MIA2: variants seen among roughly 807,000 people sequenced by gnomAD.
MIA2 encodes MIA SH3 domain ER export factor 2.
MIA2 carries 127 observed loss-of-function variants against 167.8 expected under a neutral mutation model. The ratio of observed to expected loss-of-function variants is 0.76; its 90% CI spans 0.66 to 0.88. MIA2 has a LOEUF of 0.88. Ranked by LOEUF, MIA2 falls within the 40% of genes least tolerant of loss-of-function variation. The pLI is 0.00. For synonymous variants in MIA2, 552 were observed against 541.9 expected, an observed-to-expected ratio of 1.02 and a Z score of -0.26; for missense variants, 1,690 against 1,624.7, an observed-to-expected ratio of 1.04 and a Z score of -0.69.
At chr14:39,244,474 C>T (rs1228253591) in intron 3 of MIA2, among the ~76,000 whole-genome samples, 1 of 152,158 alleles carries the variant, frequency 6.6e-6, no homozygotes, top group African/African-American at 2.4e-5. Context: ...CAGGGTTGGG[C>T]ATTGAAGCCA....
At chr14:39,328,732 C>G (rs1595685566) in intron 25 of MIA2, among the ~76,000 whole-genome samples, 2 of 152,096 alleles carry the variant, frequency 1.3e-5, no homozygotes, top group South Asian at 2.1e-4. Flanking sequence ...AATCCTTTCC[C>G]CATTGGTTGT....
intron 24 of MIA2, 76 bp from the exon 25 acceptor site, chr14:39,326,788 T>A (rs1392521949): frequency 7.5e-7 from 1 of 1,331,912 alleles, no homozygotes; most frequent in African/African-American, 1.5e-5. Flanking sequence ...ATTTAACCAC[T>A]GATTTTATGT....
chr14:39,362,062 A>G (rs908589172), intron 23 of MIA2, among the ~76,000 whole-genome samples: 4 of 152,114 alleles, frequency 2.6e-5, no homozygotes. Context: ...TTATTACTTT[A>G]TGATATGCTT....
chr14:39,291,741 T>C (rs2060765742), intron 10 of MIA2, among the ~76,000 whole-genome samples: 1 of 152,170 alleles, frequency 6.6e-6, no homozygotes, highest in African/African-American at 2.4e-5. Context: ...AAAGTAGGCT[T>C]TCCTGAGCCA....
chr14:39,341,136 T>C (rs1238378719), intron 25 of MIA2, among the ~76,000 whole-genome samples: 2 of 152,026 alleles, frequency 1.3e-5, no homozygotes, highest in Non-Finnish European at 2.9e-5. Flanking sequence ...ACTCCGTCTC[T>C]ACTAAAAATA....
intron 13 of MIA2, among the ~76,000 whole-genome samples, chr14:39,298,542 T>TTTGTTTTTG (rs2061854555): frequency 3.1e-5 from 3 of 97,026 alleles, no homozygotes; most frequent in Non-Finnish European, 2.0e-5. Flanking sequence ...TTTTTTTTTT[T>TTTGTTTTTG]TTTTTTTTTT....
intron 6 of MIA2, among the ~76,000 whole-genome samples, chr14:39,262,194 C>T (rs2055154145): frequency 6.6e-6 from 1 of 152,172 alleles, no homozygotes; most frequent in African/African-American, 2.4e-5. Context: ...GATCCAGTTT[C>T]AGCTTTCTAC....
At chr14:39,270,023 C>G (rs903043685) in intron 6 of MIA2, among the ~76,000 whole-genome samples, 1 of 152,102 alleles carries the variant, frequency 6.6e-6, no homozygotes, top group African/African-American at 2.4e-5. Flanking sequence ...ATATGTTTAA[C>G]TTTTTGAGAA....
At chr14:39,267,270 C>T (rs2055956707) in intron 6 of MIA2, 2 of 1,425,106 alleles carry the variant, frequency 1.4e-6, no homozygotes, top group East Asian at 2.6e-5. Context: ...TCGGGATGGG[C>T]AGCGTAGGCC....
chr14:39,267,027 G>T, intron 6 of MIA2: 3 of 1,005,994 alleles, frequency 3.0e-6, no homozygotes, highest in Non-Finnish European at 3.6e-6. Context: ...CCAGGGCTGG[G>T]TGGCTTCGCC....
chr14:39,365,351 C>T (rs544148277), intron 23 of MIA2, among the ~76,000 whole-genome samples: 1 of 152,364 alleles, frequency 6.6e-6, no homozygotes, highest in South Asian at 2.1e-4. Flanking sequence ...TGAGCCACTG[C>T]ACCCGGCCAT....
chr14:39,303,527 T>G lies in MIA2; in HGVS notation c.2787+3T>G, dbSNP rs1054038045. 6.2e-7 allele frequency: 1 copy of G among 1,606,570 alleles called. No individual in the cohort carries two copies. Among genetic ancestry groups the G allele is most frequent in the African/African-American group, 1.3e-5 (1 of 74,654 alleles). On this transcript the variant is annotated splice_donor_region_variant and intron_variant, in intron 16 of 28. Transcript: ENST00000640607. ...AGAAACTGATTCATGCTGCTAAGGT[T>G]TGTGCTATTAGATACTTAAAAAGAA...
At chr14:39,327,600 C>T (rs1247216288) in intron 25 of MIA2, among the ~76,000 whole-genome samples, 1 of 148,880 alleles carries the variant, frequency 6.7e-6, no homozygotes, top group Admixed American at 6.8e-5. Context: ...GGTGTTTCTC[C>T]TAATGCTATC....
chr14:39,300,012 AT>A, intron 14 of MIA2, 26 bp downstream of exon 14: 1 of 1,574,820 alleles, frequency 6.3e-7, no homozygotes. Flanking sequence ...GGTTTTAGTG[AT>A]CAAGTTGGCT....
intron 23 of MIA2, among the ~76,000 whole-genome samples, chr14:39,379,854 A>G (rs948165772): frequency 2.6e-5 from 4 of 152,032 alleles, no homozygotes; most frequent in African/African-American, 9.7e-5. Context: ...TGTCTCAAAA[A>G]AAACCCAAAA....
chr14:39,351,391 CAAAA>C (rs1388644695), downstream of MIA2: 1 of 132,790 alleles, frequency 7.5e-6, no homozygotes, highest in Admixed American at 7.4e-5. Flanking sequence ...AAAAAAAAAA[CAAAA>C]AACAAAAAAC....
At chr14:39,307,737 T>C (rs1389844156) in intron 17 of MIA2, among the ~76,000 whole-genome samples, 1 of 151,982 alleles carries the variant, frequency 6.6e-6, no homozygotes, top group African/African-American at 2.4e-5. Flanking sequence ...TTAATTCAGA[T>C]ATTAATGCAC....
At chr14:39,370,838 TAC>T (rs762500703) in intron 23 of MIA2, 16 of 153,012 alleles carry the variant, frequency 1.0e-4, no homozygotes, top group Middle Eastern at 3.4e-3. Flanking sequence ...GCTTTGATCT[TAC>T]AGTCTTTTAA....
rs8006337 is a variant in MIA2, at chr14:39,281,784, G to C, written c.2130+2247G>C. ...CTACAGGCACACGCTGCCACGCCTGGCTAATTTTTTGTATTTTAGTAGGGA... is the reference window on the plus strand; with the variant it reads ...CTACAGGCACACGCTGCCACGCCTGCCTAATTTTTTGTATTTTAGTAGGGA... On this transcript the variant is annotated intron_variant, in intron 9 of 28. Transcript: ENST00000640607. 4.3e-3 allele frequency among the ~76,000 whole-genome samples: 658 copies of C among 151,912 alleles called. 5 individuals carry two copies. The highest frequency in any genetic ancestry group is 0.015 in the African/African-American group (602 of 41,462).
Sources: allele counts gnomAD v4.1 joint callset (sites outside exome capture counted in the v4.1 genomes callset), GRCh38; gene constraint gnomAD v4.1.1; transcripts MANE v1.5; gene names NCBI Gene and HGNC (gene_info 2026-07-23, HGNC 2026-07-21).